Variants in PACRG observed in about 807,000 individuals in gnomAD.
PACRG encodes parkin coregulated.
A neutral mutation model predicts 29.7 loss-of-function variants in PACRG; 29 were observed. The ratio of observed to expected loss-of-function variants is 0.98; its 90% CI spans 0.73 to 1.33. The LOEUF is 1.33. Ranked by LOEUF, PACRG falls within the 40% of genes most tolerant of loss-of-function variation. The pLI, the probability that PACRG is intolerant of heterozygous loss-of-function variation, is 0.00. For missense variants in PACRG, 279 were observed against 316.2 expected (o/e 0.88, Z 0.89); for synonymous variants, 116 against 118.7 (o/e 0.98, Z 0.15).
At chr6:163,228,032 A>G (rs971375533) in intron 4 of PACRG, among the ~76,000 whole-genome samples, 7 of 152,218 alleles carry the variant, frequency 4.6e-5, no homozygotes, top group African/African-American at 1.7e-4. Context: ...CAAAACAAGC[A>G]TGAGTTCAGA....
chr6:162,849,112 A>T (rs1248817265), intron 2 of PACRG, among the ~76,000 whole-genome samples: 1 of 152,236 alleles, frequency 6.6e-6, no homozygotes, highest in Non-Finnish European at 1.5e-5. Flanking sequence ...TTACCGTAAC[A>T]CGAAAAGACC....
chr6:163,222,922 C>T (rs565286323), intron 4 of PACRG, among the ~76,000 whole-genome samples: 83 of 152,018 alleles, frequency 5.5e-4, no homozygotes, highest in Admixed American at 1.9e-3. Context: ...ATCAGAATGC[C>T]GTAGAGAAAG....
chr6:163,174,347 G>T (rs1779242146), intron 4 of PACRG, among the ~76,000 whole-genome samples: 1 of 152,206 alleles, frequency 6.6e-6, no homozygotes, highest in South Asian at 2.1e-4. Context: ...TTGCTTTCGA[G>T]GATCAGTTTG....
At chr6:163,171,324 A>C (rs1255162578) in intron 4 of PACRG, among the ~76,000 whole-genome samples, 1 of 152,238 alleles carries the variant, frequency 6.6e-6, no homozygotes, top group Non-Finnish European at 1.5e-5. Flanking sequence ...CCCACATTGC[A>C]ATAGCCAAGA....
chr6:162,757,795 C>G (rs1782046088), intron 1 of PACRG, among the ~76,000 whole-genome samples: 1 of 151,958 alleles, frequency 6.6e-6, no homozygotes, highest in Admixed American at 6.6e-5. Flanking sequence ...TTGACTAATG[C>G]ATAAAATACA....
chr6:162,844,387 A>C (rs755298415), intron 2 of PACRG, among the ~76,000 whole-genome samples: 8 of 152,038 alleles, frequency 5.3e-5, no homozygotes, highest in Non-Finnish European at 1.2e-4. Flanking sequence ...CCCCTCTCTG[A>C]CTCCGAAGGG....
chr6:163,236,527 T>C (rs1245707615), intron 4 of PACRG, among the ~76,000 whole-genome samples: 1 of 152,170 alleles, frequency 6.6e-6, no homozygotes, highest in Admixed American at 6.5e-5. Flanking sequence ...GAACTTCATC[T>C]CATTTTAGAA....
intron 2 of PACRG, among the ~76,000 whole-genome samples, chr6:162,858,058 T>G (rs1791552168): frequency 6.6e-6 from 1 of 152,242 alleles, no homozygotes; most frequent in Admixed American, 6.5e-5. Context: ...TGACATATAT[T>G]AACTCTTGAA....
At chr6:162,822,928 T>G (rs1787966351) in intron 2 of PACRG, among the ~76,000 whole-genome samples, 1 of 152,152 alleles carries the variant, frequency 6.6e-6, no homozygotes, top group Admixed American at 6.5e-5. Context: ...ACATATAACA[T>G]ATGTTATTAT....
intron 4 of PACRG, 125 bp downstream of exon 4, chr6:163,089,533 C>A: frequency 8.4e-7 from 1 of 1,184,418 alleles, no homozygotes; most frequent in Non-Finnish European, 1.2e-6. Flanking sequence ...ATTTGGAGAT[C>A]TAAATAGCAT....
intron 4 of PACRG, among the ~76,000 whole-genome samples, chr6:163,238,950 A>G (rs1782356635): frequency 6.6e-6 from 1 of 152,128 alleles, no homozygotes; most frequent in African/African-American, 2.4e-5. Context: ...GCTATCTCTG[A>G]TGATGGAAGT....
intron 3 of PACRG, among the ~76,000 whole-genome samples, chr6:163,071,700 G>GAAAA: frequency 7.1e-6 from 1 of 140,814 alleles, no homozygotes; most frequent in African/African-American, 2.6e-5. Flanking sequence ...ATCTAAGTTA[G>GAAAA]AAAAAAAAAA....
At chr6:163,188,836 G>T (rs1780073740) in intron 4 of PACRG, among the ~76,000 whole-genome samples, 1 of 152,190 alleles carries the variant, frequency 6.6e-6, no homozygotes, top group African/African-American at 2.4e-5. Context: ...GAGGGGAAAG[G>T]ATTCCTTTGT....
At chr6:163,150,768 C>T (rs1283179204) in intron 4 of PACRG, among the ~76,000 whole-genome samples, 1 of 152,194 alleles carries the variant, frequency 6.6e-6, no homozygotes, top group Non-Finnish European at 1.5e-5. Flanking sequence ...CTGGATCCAA[C>T]AGTCTTGAGG....
chr6:162,926,458 T>C (rs1179608296), intron 2 of PACRG, among the ~76,000 whole-genome samples: 4 of 152,092 alleles, frequency 2.6e-5, no homozygotes, highest in African/African-American at 9.7e-5. Flanking sequence ...AGCAGATGCA[T>C]AGACCACTGA....
At chr6:162,830,131 T>C (rs919738420) in intron 2 of PACRG, among the ~76,000 whole-genome samples, 1 of 152,118 alleles carries the variant, frequency 6.6e-6, no homozygotes. Context: ...CATTCCTCAC[T>C]TTATAGCAAC....
At chr6:162,793,024 T>A (rs1016851022) in intron 1 of PACRG, among the ~76,000 whole-genome samples, 1 of 152,152 alleles carries the variant, frequency 6.6e-6, no homozygotes, top group African/African-American at 2.4e-5. Flanking sequence ...CCTTGAGTCC[T>A]GCAATAGAGG....
intron 1 of PACRG, among the ~76,000 whole-genome samples, chr6:162,809,702 T>G (rs958747621): frequency 2.6e-5 from 4 of 152,128 alleles, no homozygotes; most frequent in Admixed American, 6.5e-5. Flanking sequence ...AGATGGATGA[T>G]CTCAACAAAT....
At chr6:162,779,819 C>T (rs922562333) in intron 1 of PACRG, among the ~76,000 whole-genome samples, 1 of 152,080 alleles carries the variant, frequency 6.6e-6, no homozygotes, top group Non-Finnish European at 1.5e-5. Flanking sequence ...TTAGACAAGA[C>T]GTATGAAACA....
Sources: allele counts gnomAD v4.1 joint callset (sites outside exome capture counted in the v4.1 genomes callset), GRCh38; gene constraint gnomAD v4.1.1; transcripts MANE v1.5; gene names NCBI Gene and HGNC (gene_info 2026-07-23, HGNC 2026-07-21).